Variants in SPTLC3 observed in about 807,000 individuals in gnomAD.
The protein encoded by SPTLC3 is serine palmitoyltransferase 3.
In SPTLC3, 36 loss-of-function variants were observed where a neutral mutation model predicts 59.3. The ratio of observed to expected loss-of-function variants is 0.61; its 90% CI spans 0.47 to 0.80. The LOEUF (loss-of-function observed/expected upper bound fraction) is 0.80. SPTLC3 is among the 30% of genes least tolerant of loss of function. SPTLC3 has a pLI of 0.00. For missense variants in SPTLC3, 625 were observed against 685.1 expected (o/e 0.91, Z 0.98); for synonymous variants, 257 against 240.8 (o/e 1.07, Z -0.62).
At chr20:13,026,075 T>A (rs1257048462) in intron 1 of SPTLC3, among the ~76,000 whole-genome samples, 1 of 152,262 alleles carries the variant, frequency 6.6e-6, no homozygotes, top group African/African-American at 2.4e-5. Context: ...TTTTTATGGC[T>A]TCATAGTGTT....
At chr20:13,140,620 T>C (rs1269964242) in intron 9 of SPTLC3, among the ~76,000 whole-genome samples, 2 of 152,040 alleles carry the variant, frequency 1.3e-5, no homozygotes, top group African/African-American at 4.8e-5. Flanking sequence ...ACCAGATAAT[T>C]CATTCTACAG....
chr20:13,147,691 T>C (rs1241863300), intron 9 of SPTLC3, among the ~76,000 whole-genome samples: 3 of 152,220 alleles, frequency 2.0e-5, no homozygotes, highest in African/African-American at 7.2e-5. Context: ...AGAAATGTTT[T>C]ATGGAATGTG....
chr20:13,009,478 A>T (rs1027574583), intron 1 of SPTLC3, 94 bp downstream of exon 1: 1 of 1,168,940 alleles, frequency 8.6e-7, no homozygotes, highest in Non-Finnish European at 1.2e-6. Flanking sequence ...CTTAGAGTTC[A>T]TCTTATGAAG....
intron 6 of SPTLC3, among the ~76,000 whole-genome samples, chr20:13,097,968 A>C (rs1989478844): frequency 6.6e-6 from 1 of 152,214 alleles, no homozygotes; most frequent in Non-Finnish European, 1.5e-5. Context: ...ATATTAGATA[A>C]GAATAGTGTA....
At position 13,049,146 on chromosome 20, in the gene SPTLC3, T is replaced by C. The variant is rs185627941; in HGVS notation, c.303+16T>C. 6.2e-7 allele frequency: 1 copy of C among 1,611,014 alleles called. No individual in the cohort carries two copies. The highest frequency in any genetic ancestry group is 1.7e-5 in the Admixed American group (1 of 59,828). On this transcript the variant is annotated intron_variant, in intron 2 of 11. Transcript: ENST00000399002. ...AGAACAAAAAGTACGTATGCGCACC[T>C]CCCTGGATCTTTGTCAATGCCTACT...
intron 9 of SPTLC3, among the ~76,000 whole-genome samples, chr20:13,141,360 G>C (rs965013314): frequency 1.3e-5 from 2 of 152,160 alleles, no homozygotes; most frequent in Non-Finnish European, 2.9e-5. Context: ...AAGCAAAGAG[G>C]AAAAGGACTG....
At chr20:13,037,206 C>T (rs775981488) in intron 1 of SPTLC3, among the ~76,000 whole-genome samples, 5 of 152,110 alleles carry the variant, frequency 3.3e-5, no homozygotes, top group Non-Finnish European at 4.4e-5. Flanking sequence ...ACCCAATGGA[C>T]GTTCCCTCAC....
chr20:13,074,292 G>T, intron 3 of SPTLC3, 57 bp from the exon 4 acceptor site: 1 of 1,586,300 alleles, frequency 6.3e-7, no homozygotes, highest in Non-Finnish European at 8.6e-7. Context: ...GGGATTTTTT[G>T]AATCGTGCAT....
chr20:13,125,056 GC>G (rs2037956711), intron 8 of SPTLC3, among the ~76,000 whole-genome samples: 1 of 150,964 alleles, frequency 6.6e-6, no homozygotes, highest in East Asian at 1.9e-4. Flanking sequence ...CAGCCCATTA[GC>G]TTTTCTGCAG....
At chr20:13,113,765 C>A (rs1410376973) in intron 7 of SPTLC3, among the ~76,000 whole-genome samples, 1 of 152,176 alleles carries the variant, frequency 6.6e-6, no homozygotes, top group African/African-American at 2.4e-5. Flanking sequence ...GAGTGGCTGT[C>A]TTTATTGTCA....
intron 6 of SPTLC3, among the ~76,000 whole-genome samples, chr20:13,101,302 G>A (rs62203620): frequency 0.018 from 2,755 of 152,284 alleles, 36 homozygotes; most frequent in Non-Finnish European, 0.027. Context: ...GATGTGCACA[G>A]CACTTGTTAA....
intron 7 of SPTLC3, 125 bp from the exon 8 acceptor site, chr20:13,117,381 C>T: frequency 1.1e-6 from 1 of 892,810 alleles, no homozygotes. Flanking sequence ...CCAAATAAAA[C>T]ATGCCTTCAG....
intron 7 of SPTLC3, among the ~76,000 whole-genome samples, chr20:13,113,074 TGAG>T (rs1247921463): frequency 6.6e-6 from 1 of 152,004 alleles, no homozygotes; most frequent in African/African-American, 2.4e-5. Context: ...TCCCAGTTAC[TGAG>T]GAGGCTAAGG....
At chr20:13,027,349 C>T (rs1986200276) in intron 1 of SPTLC3, among the ~76,000 whole-genome samples, 1 of 152,112 alleles carries the variant, frequency 6.6e-6, no homozygotes, top group African/African-American at 2.4e-5. Context: ...GGAAGTGATC[C>T]AGTGCTGTGA....
Position 13,049,170 on chromosome 20 carries a change from C to T in SPTLC3, c.303+40C>T, listed in dbSNP as rs778983318. On this transcript the variant is annotated intron_variant, in intron 2 of 11. Transcript: ENST00000399002. ...CTCCCTGGATCTTTGTCAATGCCTA[C>T]TCCTCTCTAAAGTGTTCTCAGAAGT... The T allele has an allele frequency of 3.8e-6, 6 of 1,598,668 alleles. No individual in the cohort carries two copies. In the Admixed American group the frequency reaches 1.0e-4, roughly 27 times the overall value.
At chr20:13,009,857 T>C (rs1177734296) in intron 1 of SPTLC3, among the ~76,000 whole-genome samples, 8 of 152,172 alleles carry the variant, frequency 5.3e-5, no homozygotes, top group East Asian at 3.8e-4. Flanking sequence ...CGAGTTATTA[T>C]TGGTGTGTAG....
At chr20:13,048,165 C>A (rs1487911132) in intron 1 of SPTLC3, among the ~76,000 whole-genome samples, 3 of 151,678 alleles carry the variant, frequency 2.0e-5, no homozygotes, top group African/African-American at 4.8e-5. Context: ...TACAGGAGCA[C>A]CCAGATTAAA....
At chr20:13,094,701 T>C (rs950039351) in intron 6 of SPTLC3, among the ~76,000 whole-genome samples, 2 of 152,192 alleles carry the variant, frequency 1.3e-5, no homozygotes, top group African/African-American at 4.8e-5. Context: ...GTGAACCCCC[T>C]TGTCTAACTC....
chr20:13,051,040 C>T (rs1168762266), intron 2 of SPTLC3: 1 of 152,094 alleles, frequency 6.6e-6, no homozygotes, highest in Non-Finnish European at 1.5e-5. Flanking sequence ...AGAAAAAACC[C>T]AAAGTACACA....
Sources: gnomAD v4.1 joint callset for allele counts (sites outside exome capture counted in the v4.1 genomes callset) on GRCh38, gnomAD v4.1.1 for gene constraint, MANE v1.5 for transcripts, NCBI Gene and HGNC (gene_info 2026-07-23, HGNC 2026-07-21) for gene names.